Variants in KIF1B observed in about 807,000 individuals in gnomAD.
KIF1B encodes kinesin-like protein KIF1B.
In KIF1B, 76 loss-of-function variants were observed where a neutral mutation model predicts 241.9. That is an observed-to-expected ratio of 0.31 (90% CI 0.26 to 0.38). KIF1B has a LOEUF of 0.38. Among genes scored for constraint, KIF1B ranks in the 10% least tolerant of loss-of-function variants. The pLI is 1.00. For missense variants in KIF1B, 1,622 were observed against 2,271.4 expected, an observed-to-expected ratio of 0.71 and a Z score of 5.81; for synonymous variants, 750 against 796.7, an observed-to-expected ratio of 0.94 and a Z score of 0.99.
intron 35 of KIF1B, among the ~76,000 whole-genome samples, chr1:10,347,020 T>G (rs1652614501): frequency 6.6e-6 from 1 of 152,230 alleles, no homozygotes; most frequent in Non-Finnish European, 1.5e-5. Flanking sequence ...TAGATCAAAG[T>G]GATACCATCA....
At position 10,378,228 on chromosome 1, in the gene KIF1B, C is replaced by T. The variant is rs917894190; in HGVS notation, c.*1641C>T. On this transcript the variant is annotated 3_prime_UTR_variant, in exon 49 of 49. Transcript: ENST00000676179. ...GGCACGGATGAACGTCCAGGGAGCC[C>T]GGGCCCCAGGCTTTGTTGCGTGTTC... 3.2e-5 allele frequency: 22 copies of T among 691,176 alleles called. No individual in the cohort carries two copies. The highest frequency in any genetic ancestry group is 1.1e-4 in the South Asian group (7 of 64,178). 42.8% of individuals were successfully genotyped at this position (691,176 alleles called of 1,614,324 possible).
chr1:10,283,095 T>TG (rs1649499827), intron 15 of KIF1B, among the ~76,000 whole-genome samples: 1 of 150,238 alleles, frequency 6.7e-6, no homozygotes, highest in Non-Finnish European at 1.5e-5. Flanking sequence ...TAGTCCCAGC[T>TG]ACTCCTGAGG....
At chr1:10,304,923 C>CT in intron 22 of KIF1B, 1 of 1,294,072 alleles carries the variant, frequency 7.7e-7, no homozygotes, top group South Asian at 1.8e-5. Flanking sequence ...AATATACTTA[C>CT]TTACACAGAC....
chr1:10,236,236 C>T (rs1647049659), intron 2 of KIF1B, among the ~76,000 whole-genome samples: 1 of 151,986 alleles, frequency 6.6e-6, no homozygotes, highest in Non-Finnish European at 1.5e-5. Flanking sequence ...CATGCCACTG[C>T]ACTCCAGCCT....
chr1:10,309,947 C>A lies in KIF1B; in HGVS notation c.2116-10096C>A, dbSNP rs1470713514. Among the ~76,000 whole-genome samples, 5 of 151,518 alleles carry A rather than the reference C, an allele frequency of 3.3e-5. No individual in the cohort carries two copies. In the East Asian group the frequency reaches 9.6e-4, roughly 29 times the overall value. ...GTTTCTTCCCACCTCTGGGCTCTTG[C>A]ACTTCTCAAGCCTGGAGCCCATTTC... On this transcript the variant is annotated intron_variant, in intron 22 of 48. Coordinates refer to ENST00000676179, the MANE Select transcript of KIF1B (RefSeq NM_001365951.3).
chr1:10,368,649 C>T, intron 44 of KIF1B, 111 bp downstream of exon 44: 1 of 873,042 alleles, frequency 1.1e-6, no homozygotes, highest in Non-Finnish European at 1.9e-6. Context: ...TTGTCATGGG[C>T]ATAGCATTGT....
intron 10 of KIF1B, 33 bp downstream of exon 10, chr1:10,273,064 T>C: frequency 6.6e-7 from 1 of 1,507,108 alleles, no homozygotes; most frequent in Non-Finnish European, 9.0e-7. Context: ...TAAACTAGAA[T>C]TGACTTTTAT....
At chr1:10,268,382 T>C in intron 7 of KIF1B, 119 bp downstream of exon 7, 1 of 727,980 alleles carries the variant, frequency 1.4e-6, no homozygotes, top group South Asian at 1.5e-5. Flanking sequence ...TTTTACTTAA[T>C]GGAGGGTGTT....
intron 1 of KIF1B, among the ~76,000 whole-genome samples, chr1:10,226,786 G>A (rs1258701395): frequency 6.6e-6 from 1 of 151,744 alleles, no homozygotes; most frequent in Non-Finnish European, 1.5e-5. Context: ...GGGCAACATA[G>A]CGAAACCCCG....
At chr1:10,371,344 A>C in intron 45 of KIF1B, 82 bp downstream of exon 45, 1 of 1,526,560 alleles carries the variant, frequency 6.6e-7, no homozygotes, top group East Asian at 2.3e-5. Flanking sequence ...ATGGTTCTTG[A>C]CTGAAGGCAG....
At chr1:10,305,382 G>T in intron 22 of KIF1B, 3 of 1,052,518 alleles carry the variant, frequency 2.9e-6, no homozygotes, top group South Asian at 4.6e-5. Context: ...TTTGTGGTTT[G>T]CATTTTGAAG....
Position 10,326,391 on chromosome 1 carries a change from G to A in KIF1B, c.2924+32G>A, listed in dbSNP as rs758582070. The A allele has an allele frequency of 6.2e-7, 1 of 1,613,650 alleles. No homozygotes were observed. The highest frequency in any genetic ancestry group is 8.5e-7 in the Non-Finnish European group (1 of 1,180,034). Reference sequence around the variant, plus strand: ...GAGGTTATTGTGAGAAAGGCGAAAAGGGACCAGCTCTTGCTCTGAAGGCCT... The same window carrying A: ...GAGGTTATTGTGAGAAAGGCGAAAAAGGACCAGCTCTTGCTCTGAAGGCCT... On this transcript the variant is annotated intron_variant, in intron 27 of 48. Transcript: ENST00000676179. This position sits in a 1 kb window ranked among gnomAD's most constrained non-coding sequence, Gnocchi z 5.2.
At chr1:10,214,040 G>C (rs1571075739) in intron 1 of KIF1B, among the ~76,000 whole-genome samples, 1 of 151,994 alleles carries the variant, frequency 6.6e-6, no homozygotes, top group Non-Finnish European at 1.5e-5. Context: ...GAGGCTGAGT[G>C]GGGAGGATGG....
At chr1:10,327,507 A>G (rs1206986808) in intron 27 of KIF1B, among the ~76,000 whole-genome samples, 2 of 151,946 alleles carry the variant, frequency 1.3e-5, no homozygotes, top group East Asian at 3.9e-4. Flanking sequence ...GTCTCAAAAA[A>G]AAAAAAAAAA....
At chr1:10,373,424 G>A (rs1300695906) in intron 45 of KIF1B, among the ~76,000 whole-genome samples, 4 of 150,276 alleles carry the variant, frequency 2.7e-5, no homozygotes, top group Non-Finnish European at 5.9e-5. Flanking sequence ...TAGTAGAGAC[G>A]GGGTTTCGCC....
At chr1:10,319,218 C>T (rs1192015849) in intron 22 of KIF1B, among the ~76,000 whole-genome samples, 2 of 151,558 alleles carry the variant, frequency 1.3e-5, no homozygotes, top group African/African-American at 4.9e-5. Context: ...TCTCCTGCCT[C>T]ATCCTCCCAA....
chr1:10,359,297 T>C (rs1022956290), intron 38 of KIF1B, among the ~76,000 whole-genome samples: 2 of 151,760 alleles, frequency 1.3e-5, no homozygotes, highest in African/African-American at 4.8e-5. Flanking sequence ...AGAGTGTGCA[T>C]AGACTCTTCT....
At chr1:10,272,376 T>C (rs984435535) in intron 9 of KIF1B, 70 bp downstream of exon 9, 2 of 1,007,864 alleles carry the variant, frequency 2.0e-6, no homozygotes, top group Non-Finnish European at 3.2e-6. Flanking sequence ...TATTTTATTA[T>C]TGTTTATGAA....
chr1:10,305,619 T>C, intron 22 of KIF1B: 5 of 1,057,064 alleles, frequency 4.7e-6, no homozygotes, highest in Non-Finnish European at 5.7e-6. Flanking sequence ...TTGGTTGGGC[T>C]TGGAATAAAG....
Sources: gnomAD v4.1 joint callset for allele counts (sites outside exome capture counted in the v4.1 genomes callset) on GRCh38, gnomAD v4.1.1 for gene constraint, Gnocchi (gnomAD v3.1) non-coding constraint, MANE v1.5 for transcripts, NCBI Gene and HGNC (gene_info 2026-07-23, HGNC 2026-07-21) for gene names.